The following SBF2 variants were observed in gnomAD, a reference collection of about 807,000 sequenced individuals.
SBF2 encodes the protein myotubularin-related protein 13.
Under a neutral mutation model 225.2 loss-of-function variants are expected in SBF2, and 112 were observed. The observed-to-expected ratio is 0.50, with a 90% CI of 0.43 to 0.58. The LOEUF is 0.58. SBF2 is among the 20% of genes least tolerant of loss of function. The pLI is 0.00. For synonymous variants in SBF2, 763 were observed against 773.3 expected (o/e 0.99, Z 0.22); for missense variants, 1,996 against 2,206.2 (o/e 0.90, Z 1.91).
chr11:9,882,763 G>A (rs889220324), intron 17 of SBF2, among the ~76,000 whole-genome samples: 3 of 141,258 alleles, frequency 2.1e-5, no homozygotes, highest in Non-Finnish European at 4.6e-5. Flanking sequence ...AGCTGAGATT[G>A]CGGTACTGCA....
At chr11:10,229,272 T>A (rs575078615) in intron 1 of SBF2, among the ~76,000 whole-genome samples, 3 of 152,200 alleles carry the variant, frequency 2.0e-5, no homozygotes, top group Non-Finnish European at 2.9e-5. Context: ...AACCAGCTCC[T>A]GGATTCATTG....
intron 2 of SBF2, among the ~76,000 whole-genome samples, chr11:10,129,473 A>C (rs1033081945): frequency 6.6e-6 from 1 of 152,158 alleles, no homozygotes; most frequent in African/African-American, 2.4e-5. Flanking sequence ...TGTGCTTAGG[A>C]AGTGAGAAAA....
intron 2 of SBF2, among the ~76,000 whole-genome samples, chr11:10,184,729 G>C (rs1339777964): frequency 6.6e-6 from 1 of 151,844 alleles, no homozygotes; most frequent in African/African-American, 2.4e-5. Context: ...GTTTTTTATT[G>C]TTGTTGTTGT....
chr11:9,788,740 G>A (rs1266392453), intron 35 of SBF2, among the ~76,000 whole-genome samples: 13 of 149,552 alleles, frequency 8.7e-5, no homozygotes, highest in Admixed American at 2.0e-4. Flanking sequence ...GACTACAGGC[G>A]CCCGCCACCA....
At chr11:9,896,567 A>G (rs1250477231) in intron 16 of SBF2, among the ~76,000 whole-genome samples, 1 of 152,020 alleles carries the variant, frequency 6.6e-6, no homozygotes, top group Non-Finnish European at 1.5e-5. Flanking sequence ...TGAGGCGGGC[A>G]GATCACCTGA....
chr11:10,181,322 A>G (rs2135286902), intron 2 of SBF2, among the ~76,000 whole-genome samples: 1 of 152,226 alleles, frequency 6.6e-6, no homozygotes, highest in East Asian at 1.9e-4. Flanking sequence ...CTGAGATTTC[A>G]ATTTCTAATT....
chr11:10,258,081 T>TAC (rs57653852), intron 1 of SBF2, among the ~76,000 whole-genome samples: 4,911 of 138,874 alleles, frequency 0.035, 98 homozygotes, highest in Middle Eastern at 0.059. Context: ...TACACACACA[T>TAC]ACACACACAC....
At chr11:9,851,106 A>C (rs1327016720) in intron 21 of SBF2, among the ~76,000 whole-genome samples, 2 of 143,434 alleles carry the variant, frequency 1.4e-5, no homozygotes, top group Non-Finnish European at 3.0e-5. Context: ...ACTGCACTCC[A>C]GCCTGGGCAA....
At chr11:9,967,971 CTATATATATATATATATATAAAA>C (rs768568395) in intron 14 of SBF2, among the ~76,000 whole-genome samples, 23 of 91,506 alleles carry the variant, frequency 2.5e-4, no homozygotes, top group East Asian at 2.2e-3. Flanking sequence ...CTCTCTCTCT[CTATATATATATATATATATAAAA>C]TATATATATA....
At chr11:10,212,965 C>G (rs377760776) in intron 1 of SBF2, among the ~76,000 whole-genome samples, 1 of 152,018 alleles carries the variant, frequency 6.6e-6, no homozygotes, top group East Asian at 1.9e-4. Context: ...AGGAGAATCG[C>G]TTGAACCCGG....
At chr11:9,935,808 A>C (rs1864854313) in intron 16 of SBF2, among the ~76,000 whole-genome samples, 1 of 152,248 alleles carries the variant, frequency 6.6e-6, no homozygotes, top group Non-Finnish European at 1.5e-5. Flanking sequence ...AAATTAATTC[A>C]AGATGGATTA....
intron 36 of SBF2, 32 bp downstream of exon 36, chr11:9,787,602 G>C (rs761445426): frequency 1.1e-5 from 17 of 1,576,692 alleles, no homozygotes; most frequent in Non-Finnish European, 1.2e-5. Flanking sequence ...AGAAAGCTCA[G>C]AAGTGGCTCT....
chr11:9,958,783 C>A (rs1004433781), intron 16 of SBF2: 2 of 498,698 alleles, frequency 4.0e-6, no homozygotes, highest in Non-Finnish European at 3.9e-6. Flanking sequence ...TGAGAAGACA[C>A]GGGCAGATGA....
intron 2 of SBF2, among the ~76,000 whole-genome samples, chr11:10,190,570 G>T (rs1957126764): frequency 6.6e-6 from 1 of 152,120 alleles, no homozygotes; most frequent in Non-Finnish European, 1.5e-5. Context: ...ATTAAATTTG[G>T]AATTTGATTA....
intron 27 of SBF2, among the ~76,000 whole-genome samples, chr11:9,831,200 T>A (rs1345230100): frequency 6.6e-6 from 1 of 152,172 alleles, no homozygotes; most frequent in Non-Finnish European, 1.5e-5. Context: ...GGTTTTGCCA[T>A]GTTGCCCAGG....
rs1352918121 is a variant in SBF2 at position 10,053,707 on chromosome 11, A to T, written c.142-10726T>A. Among the ~76,000 whole-genome samples, 4 of 151,972 alleles carry T rather than the reference A, an allele frequency of 2.6e-5. No individual in the cohort carries two copies. The East Asian group carries it at 7.7e-4, about 29-fold the overall frequency. ...GCATAAGAGGCTGCAATGAGCTGAG[A>T]TCGCACCACCACACTTCAGCCTTGG... On this transcript the variant is annotated intron_variant, in intron 2 of 39. Coordinates refer to ENST00000256190, the MANE Select transcript of SBF2 (RefSeq NM_030962.4).
rs1170747251 is a variant in SBF2 at position 10,091,375 on chromosome 11, AT to A, written c.142-48395del. Reference sequence around the variant, plus strand: ...TTCTCCACAGAAGTCTTCCCTAATTATTCTAGCCTCTGTATGTCATTTGCTG... The same window carrying A: ...TTCTCCACAGAAGTCTTCCCTAATTATCTAGCCTCTGTATGTCATTTGCTG... On this transcript the variant is annotated intron_variant, in intron 2 of 39. Transcript: ENST00000256190. Among the ~76,000 whole-genome samples, 3 of 152,256 alleles carry A rather than the reference AT, an allele frequency of 2.0e-5. No homozygotes were observed. The East Asian group carries it at 5.8e-4, about 29-fold the overall frequency.
intron 16 of SBF2, among the ~76,000 whole-genome samples, chr11:9,917,823 C>T (rs1029084043): frequency 6.6e-6 from 1 of 151,482 alleles, no homozygotes. Context: ...CGGACACCTC[C>T]AATTTGATGT....
chr11:10,084,725 G>T (rs956664253), intron 2 of SBF2, among the ~76,000 whole-genome samples: 1 of 152,138 alleles, frequency 6.6e-6, no homozygotes, highest in African/African-American at 2.4e-5. Flanking sequence ...AATGTGGTAG[G>T]TATATACAAT....
Sources: allele counts gnomAD v4.1 joint callset (sites outside exome capture counted in the v4.1 genomes callset), GRCh38; gene constraint gnomAD v4.1.1; transcripts MANE v1.5; gene names NCBI Gene and HGNC (gene_info 2026-07-23, HGNC 2026-07-21).